APBB1IP: variants seen among roughly 807,000 people sequenced by gnomAD.
APBB1IP encodes amyloid beta precursor protein binding family B member 1 interacting protein, also known as amyloid beta A4 precursor protein-binding family B member 1-interacting protein.
In APBB1IP, 27 loss-of-function variants were observed where a neutral mutation model predicts 64.9. The observed-to-expected ratio is 0.42, with a 90% confidence interval of 0.31 to 0.57. The LOEUF is 0.57. Among genes scored for constraint, APBB1IP ranks in the 20% least tolerant of loss-of-function variants. The pLI is 0.20. For synonymous variants in APBB1IP, 392 were observed against 331.0 expected (o/e 1.18, Z -2.00); for missense variants, 812 against 845.5 (o/e 0.96, Z 0.49).
chr10:26,467,952 G>A (rs904597677), intron 2 of APBB1IP, among the ~76,000 whole-genome samples: 1 of 152,238 alleles, frequency 6.6e-6, no homozygotes, highest in Middle Eastern at 3.4e-3. Context: ...AACTACAACC[G>A]CTATCACCAC....
Position 26,498,377 on chromosome 10 carries a change from C to T in APBB1IP, c.160+1986C>T, listed in dbSNP as rs182511242. ...TACAAAACTTATCCAGGCAAGGTGG[C>T]GGGCACCTGTAATCTCAGCTACTCG... On this transcript the variant is annotated intron_variant, in intron 4 of 14. Transcript: ENST00000376236. Among the ~76,000 whole-genome samples, 330 of 152,028 alleles carry T rather than the reference C, an allele frequency of 2.2e-3. 1 individual carries two copies. Among genetic ancestry groups the T allele is most frequent in the Non-Finnish European group, 4.1e-3 (278 of 67,980 alleles).
chr10:26,563,260 G>A (rs1445575617), intron 14 of APBB1IP, among the ~76,000 whole-genome samples: 1 of 152,046 alleles, frequency 6.6e-6, no homozygotes, highest in Non-Finnish European at 1.5e-5. Context: ...TGCTGAGGCA[G>A]GAGGATCCCT....
In APBB1IP at chr10:26,500,828, A is replaced by G. The variant is rs1384483678; in HGVS notation, c.170A>G (p.Asn57Ser). The G allele has an allele frequency of 1.9e-6, 3 of 1,613,254 alleles. No individual in the cohort carries two copies. In the South Asian group the frequency reaches 3.3e-5, roughly 18 times the overall value. The change falls in exon 5 of 15, where the codon AAT (asparagine) becomes AGT (serine). Residue 57 changes from asparagine to serine, a missense_variant. Transcript: ENST00000376236. ...VGFKDLNESL[N>S]ALEDQDLDAL... ...TGATTTTCCCTACTAGAGTCCTTAA[A>G]TGCACTGGAAGACCAAGATTTAGAT...
At chr10:26,523,996 G>T (rs1355053770) in intron 8 of APBB1IP, among the ~76,000 whole-genome samples, 1 of 152,052 alleles carries the variant, frequency 6.6e-6, no homozygotes, top group Non-Finnish European at 1.5e-5. Flanking sequence ...CTAGGTGGAT[G>T]CCAGCACTCA....
At chr10:26,503,685 C>G (rs905506802) in intron 6 of APBB1IP, among the ~76,000 whole-genome samples, 1 of 152,044 alleles carries the variant, frequency 6.6e-6, no homozygotes, top group Admixed American at 6.6e-5. Flanking sequence ...TGATACTTTC[C>G]AAATAGTTGT....
chr10:26,485,274 G>A (rs1229751993), intron 2 of APBB1IP, among the ~76,000 whole-genome samples: 1 of 152,190 alleles, frequency 6.6e-6, no homozygotes, highest in East Asian at 1.9e-4. Context: ...TCGGAACCAT[G>A]TTATTTGGCA....
chr10:26,529,461 A>G (rs938139774), intron 8 of APBB1IP, among the ~76,000 whole-genome samples: 6 of 152,232 alleles, frequency 3.9e-5, no homozygotes, highest in African/African-American at 1.4e-4. Context: ...AGTCAGAAGT[A>G]TGTCAGAGAA....
chr10:26,538,716 C>T (rs1836660771), intron 10 of APBB1IP, among the ~76,000 whole-genome samples: 1 of 151,336 alleles, frequency 6.6e-6, no homozygotes, highest in Non-Finnish European at 1.5e-5. Context: ...TTAATTCTTC[C>T]CAGTTTTCTA....
intron 2 of APBB1IP, among the ~76,000 whole-genome samples, chr10:26,489,344 G>A (rs1835929474): frequency 6.6e-6 from 1 of 152,136 alleles, no homozygotes; most frequent in East Asian, 1.9e-4. Flanking sequence ...AGGGTGATAA[G>A]GTTATGTAGG....
chr10:26,561,557 C>G (rs1459255256), intron 13 of APBB1IP, among the ~76,000 whole-genome samples: 1 of 152,036 alleles, frequency 6.6e-6, no homozygotes, highest in Non-Finnish European at 1.5e-5. Flanking sequence ...TGTTTCTTAT[C>G]AAAGTACAAA....
intron 14 of APBB1IP, among the ~76,000 whole-genome samples, chr10:26,563,054 G>A (rs1055645296): frequency 1.3e-4 from 20 of 152,152 alleles, no homozygotes; most frequent in African/African-American, 4.3e-4. Flanking sequence ...AGCCCTCTCT[G>A]ATAGTAGCAC....
intron 2 of APBB1IP, among the ~76,000 whole-genome samples, chr10:26,449,083 C>CTCA (rs1260564115): frequency 2.0e-5 from 3 of 152,170 alleles, no homozygotes; most frequent in African/African-American, 7.2e-5. Context: ...TCAAAAAAGA[C>CTCA]TCAAGGAGAT....
intron 11 of APBB1IP, among the ~76,000 whole-genome samples, chr10:26,558,741 C>T (rs1349531646): frequency 1.3e-5 from 2 of 152,096 alleles, no homozygotes; most frequent in African/African-American, 4.8e-5. Flanking sequence ...GGCACAACTG[C>T]ACTCCAACCT....
At chr10:26,503,151 G>A (rs762116430) in intron 5 of APBB1IP, 46 bp from the exon 6 acceptor site, 3 of 1,576,554 alleles carry the variant, frequency 1.9e-6, no homozygotes, top group Non-Finnish European at 2.6e-6. Flanking sequence ...TTACTCACTG[G>A]TATTACTTAA....
intron 2 of APBB1IP, among the ~76,000 whole-genome samples, chr10:26,486,294 G>T (rs1195476186): frequency 1.3e-5 from 2 of 152,088 alleles, no homozygotes; most frequent in East Asian, 3.9e-4. Context: ...AGTCTGGAAG[G>T]CTGGAGGCTG....
chr10:26,550,048 T>C (rs1296931744), intron 11 of APBB1IP, among the ~76,000 whole-genome samples: 2 of 152,002 alleles, frequency 1.3e-5, no homozygotes, highest in Non-Finnish European at 2.9e-5. Context: ...ATCTTTTTTT[T>C]AATCTTTCAT....
chr10:26,478,237 CAG>C, intron 2 of APBB1IP, among the ~76,000 whole-genome samples: 1 of 152,248 alleles, frequency 6.6e-6, no homozygotes, highest in East Asian at 1.9e-4. Flanking sequence ...GTGTTCCAGG[CAG>C]AGAGAAAAGC....
chr10:26,445,164 G>T (rs1010396977), intron 2 of APBB1IP, among the ~76,000 whole-genome samples: 4 of 147,156 alleles, frequency 2.7e-5, no homozygotes, highest in Non-Finnish European at 6.0e-5. Context: ...AAGAAAGAAA[G>T]AAAGAAAGAA....
chr10:26,552,672 A>G (rs1378417405), intron 11 of APBB1IP, among the ~76,000 whole-genome samples: 1 of 152,102 alleles, frequency 6.6e-6, no homozygotes, highest in Non-Finnish European at 1.5e-5. Context: ...AACGGAGAAC[A>G]GGATTGAATC....
Sources: gnomAD v4.1 joint callset for allele counts (sites outside exome capture counted in the v4.1 genomes callset) on GRCh38, gnomAD v4.1.1 for gene constraint, MANE v1.5 for transcripts, NCBI Gene and HGNC (gene_info 2026-07-23, HGNC 2026-07-21) for gene names.